KDELR2: variants seen among roughly 807,000 people sequenced by gnomAD.
KDELR2 encodes ER lumen protein-retaining receptor 2.
Under a neutral mutation model 23.9 loss-of-function variants are expected in KDELR2, and 15 were observed. That is an observed-to-expected ratio of 0.63 (90% CI 0.42 to 0.97). The LOEUF (loss-of-function observed/expected upper bound fraction) is 0.97. KDELR2 is among the 50% of genes least tolerant of loss of function. The pLI is 0.00. For synonymous variants in KDELR2, 119 were observed against 106.2 expected, an observed-to-expected ratio of 1.12 and a Z score of -0.74; for missense variants, 272 against 254.6, an observed-to-expected ratio of 1.07 and a Z score of -0.46.
intron 1 of KDELR2, among the ~76,000 whole-genome samples, chr7:6,476,455 C>G (rs987965219): frequency 2.6e-5 from 4 of 152,210 alleles, no homozygotes; most frequent in Admixed American, 6.5e-5. Context: ...TCAGACCATA[C>G]CTGGTGTTTG....
At chr7:6,478,610 C>A (rs1219996788) in intron 1 of KDELR2, among the ~76,000 whole-genome samples, 1 of 152,006 alleles carries the variant, frequency 6.6e-6, no homozygotes, top group Non-Finnish European at 1.5e-5. Flanking sequence ...AGGTATATTA[C>A]AGATTATTTC....
chr7:6,481,048 T>C (rs997424256), intron 1 of KDELR2, among the ~76,000 whole-genome samples: 1 of 152,162 alleles, frequency 6.6e-6, no homozygotes, highest in South Asian at 2.1e-4. Context: ...TATATGCTCC[T>C]GAATCTCTCA....
At chr7:6,473,589 T>C (rs1341372011) in intron 2 of KDELR2, among the ~76,000 whole-genome samples, 1 of 152,170 alleles carries the variant, frequency 6.6e-6, no homozygotes, top group African/African-American at 2.4e-5. Context: ...TAGATACTAA[T>C]AATTAGGACA....
At chr7:6,469,329 C>G (rs1342640495) in intron 3 of KDELR2, among the ~76,000 whole-genome samples, 1 of 152,138 alleles carries the variant, frequency 6.6e-6, no homozygotes, top group Non-Finnish European at 1.5e-5. Flanking sequence ...GATCTCGGCT[C>G]ACTGCAGCCT....
intron 4 of KDELR2, 136 bp downstream of exon 4, chr7:6,465,935 A>G (rs536508645): frequency 1.1e-6 from 1 of 876,794 alleles, no homozygotes; most frequent in Non-Finnish European, 1.8e-6. Context: ...CCTGATCCAG[A>G]ATGTTATTGG....
chr7:6,471,904 CTTTTT>C (rs11324108), intron 2 of KDELR2, among the ~76,000 whole-genome samples: 1 of 143,956 alleles, frequency 6.9e-6, no homozygotes, highest in Non-Finnish European at 1.5e-5. Context: ...GTAAGTTTAA[CTTTTT>C]TTTTTTTTTT....
At chr7:6,481,447 A>T (rs55858049) in intron 1 of KDELR2, among the ~76,000 whole-genome samples, 1 of 151,910 alleles carries the variant, frequency 6.6e-6, no homozygotes, top group Non-Finnish European at 1.5e-5. Context: ...TTTGGATAAA[A>T]GTTTAGGAGA....
At position 6,462,442 on chromosome 7, in the gene KDELR2, C is replaced by T. The variant is rs943142504; in HGVS notation, c.*699G>A. 1 of 155,678 alleles carries T rather than the reference C, an allele frequency of 6.4e-6. No homozygotes were observed. Among genetic ancestry groups the T allele is most frequent in the Non-Finnish European group, 1.4e-5 (1 of 70,504 alleles). The allele number at this position is 155,678 out of a possible 1,614,324, so 9.6% of individuals were successfully genotyped here. A position where few individuals can be genotyped will look rare whatever the true frequency, so the allele number is the denominator to read the frequency against. On this transcript the variant is annotated 3_prime_UTR_variant, in exon 5 of 5. Transcript: ENST00000258739. ...TCAGCACCCTTGGGACAGTCTCCAA[C>T]TGACACTTCCCAGCAGGGGAGGAGG...
intron 2 of KDELR2, among the ~76,000 whole-genome samples, chr7:6,472,483 G>T (rs1453407751): frequency 6.6e-6 from 1 of 152,222 alleles, no homozygotes; most frequent in Non-Finnish European, 1.5e-5. Flanking sequence ...CTGAGGGGGA[G>T]AGAGGATTCT....
At chr7:6,469,807 A>AC (rs1326050583) in intron 2 of KDELR2, 53 bp from the exon 3 acceptor site, 1 of 1,464,256 alleles carries the variant, frequency 6.8e-7, no homozygotes, top group Non-Finnish European at 9.2e-7. Flanking sequence ...CTGTTCCAGC[A>AC]CCCCCCAGCT....
intron 2 of KDELR2, among the ~76,000 whole-genome samples, chr7:6,472,324 G>A (rs1208145208): frequency 6.6e-6 from 1 of 152,090 alleles, no homozygotes; most frequent in Non-Finnish European, 1.5e-5. Flanking sequence ...GCAGCACCTG[G>A]AGAAGAACAG....
chr7:6,474,160 A>G, intron 2 of KDELR2, 24 bp downstream of exon 2: 1 of 1,412,656 alleles, frequency 7.1e-7, no homozygotes, highest in Non-Finnish European at 1.0e-6. Context: ...GATGAAATAC[A>G]TTCCTGTGGA....
chr7:6,471,322 C>A (rs962071323), intron 2 of KDELR2, among the ~76,000 whole-genome samples: 4 of 150,764 alleles, frequency 2.7e-5, no homozygotes, highest in Non-Finnish European at 5.9e-5. Context: ...GCTGGGATTA[C>A]AAGCGCCTGC....
intron 4 of KDELR2, among the ~76,000 whole-genome samples, chr7:6,463,951 C>A (rs1216453640): frequency 8.1e-6 from 1 of 122,822 alleles, no homozygotes; most frequent in Non-Finnish European, 2.0e-5. Flanking sequence ...AATCCCAGCA[C>A]TTGGGGAGGC....
intron 1 of KDELR2, 42 bp downstream of exon 1, chr7:6,483,925 C>A (rs748799789): frequency 7.1e-7 from 1 of 1,409,002 alleles, no homozygotes. Flanking sequence ...CGAGACCCGG[C>A]CCCCACGCCC....
chr7:6,469,261 T>A (rs1321645127), intron 3 of KDELR2, among the ~76,000 whole-genome samples: 2 of 151,270 alleles, frequency 1.3e-5, no homozygotes, highest in African/African-American at 4.9e-5. Context: ...CATAACCTCT[T>A]TTTTCTTTTC....
In KDELR2 at chr7:6,462,024, T is replaced by G. The variant is rs1347593938; in HGVS notation, c.*1117A>C. The G allele has an allele frequency of 6.6e-6, 1 of 152,210 alleles. No individual in the cohort carries two copies. Among genetic ancestry groups the G allele is most frequent in the Non-Finnish European group, 1.5e-5 (1 of 68,044 alleles). The allele number at this position is 152,210 out of a possible 1,614,324, so 9.4% of individuals were successfully genotyped here. A position where few individuals can be genotyped will look rare whatever the true frequency, so the allele number is the denominator to read the frequency against. On this transcript the variant is annotated 3_prime_UTR_variant, in exon 5 of 5. Coordinates refer to ENST00000258739, the MANE Select transcript of KDELR2 (RefSeq NM_006854.4). The stretch of plus-strand genomic sequence containing the variant: ...GCCTAATTCATAAAAAGACAATTTA[T>G]TCCATGTTTAATATAGTGTTTTTTA...
At chr7:6,472,271 C>T (rs1394565689) in intron 2 of KDELR2, among the ~76,000 whole-genome samples, 1 of 152,204 alleles carries the variant, frequency 6.6e-6, no homozygotes, top group Non-Finnish European at 1.5e-5. Flanking sequence ...GCCAGCTCAA[C>T]ATTAATAAAA....
At chr7:6,474,375 A>T (rs570378843) in intron 1 of KDELR2, 91 bp from the exon 2 acceptor site, 1 of 869,730 alleles carries the variant, frequency 1.1e-6, no homozygotes, top group African/African-American at 1.7e-5. Flanking sequence ...ACAGGGAAGG[A>T]GGGGTGCGTG....
Sources: allele counts gnomAD v4.1 joint callset (sites outside exome capture counted in the v4.1 genomes callset), GRCh38; gene constraint gnomAD v4.1.1; transcripts MANE v1.5; gene names NCBI Gene and HGNC (gene_info 2026-07-23, HGNC 2026-07-21).